Variants in SPTBN1 observed in about 807,000 individuals in gnomAD.
The protein encoded by SPTBN1 is spectrin beta chain, non-erythrocytic 1.
Under a neutral mutation model 266.4 loss-of-function variants are expected in SPTBN1, and 32 were observed. The ratio of observed to expected loss-of-function variants is 0.12; its 90% CI spans 0.09 to 0.16. The LOEUF (loss-of-function observed/expected upper bound fraction) is 0.16. Ranked by LOEUF, SPTBN1 falls within the 10% of genes least tolerant of loss-of-function variation. The pLI, the probability that SPTBN1 is intolerant of heterozygous loss-of-function variation, is 1.00. For synonymous variants in SPTBN1, 1,336 were observed against 1,162.2 expected, an observed-to-expected ratio of 1.15 and a Z score of -3.04; for missense variants, 2,296 against 3,067.1, an observed-to-expected ratio of 0.75 and a Z score of 5.94.
chr2:54,520,410 C>A (rs1412056431), intron 1 of SPTBN1: 1 of 152,192 alleles, frequency 6.6e-6, no homozygotes, highest in Non-Finnish European at 1.5e-5. Context: ...GTAGAAGCCT[C>A]TTTACCTCAA....
chr2:54,621,458 C>T lies in SPTBN1; in HGVS notation c.822C>T (p.Tyr274=). 1.9e-6 allele frequency: 3 copies of T among 1,614,116 alleles called. No individual in the cohort carries two copies. Among genetic ancestry groups the T allele is most frequent in the African/African-American group, 1.3e-5 (1 of 75,032 alleles). The change falls in exon 8 of 36, where the codon TAC becomes TAT. Residue 274 remains tyrosine (Y), a synonymous_variant. Transcript: ENST00000356805. The part of the protein sequence containing the change: ...KSIITYVVTY[Y]HYFSKMKALA... ...TAATCACTTATGTGGTGACTTATTACCACTACTTCTCTAAGATGAAGGCCT... is the reference window on the plus strand; with the variant it reads ...TAATCACTTATGTGGTGACTTATTATCACTACTTCTCTAAGATGAAGGCCT...
At position 54,626,792 on chromosome 2, in the gene SPTBN1, G is replaced by T. The variant is rs374216565; in HGVS notation, c.1644+558G>T. On this transcript the variant is annotated intron_variant, in intron 12 of 35. Coordinates refer to ENST00000356805, the MANE Select transcript of SPTBN1 (RefSeq NM_003128.3). The surrounding 1 kb of genome is among the most constrained non-coding windows in gnomAD (Gnocchi z 4.7). ...ATTATTGCAAGGATGGAATGCGGTA[G>T]TATGTGCACAGATCATGGGATGGGC... 2.6e-5 allele frequency among the ~76,000 whole-genome samples: 4 copies of T among 152,344 alleles called. No individual in the cohort carries two copies. The East Asian group carries it at 7.7e-4, about 29-fold the overall frequency.
intron 2 of SPTBN1, among the ~76,000 whole-genome samples, chr2:54,584,928 G>T (rs1475870510): frequency 2.0e-5 from 3 of 152,202 alleles, no homozygotes; most frequent in African/African-American, 7.2e-5. Flanking sequence ...CTTGCGTGTA[G>T]GGACAAGGGA....
chr2:54,503,418 G>C (rs1289971331), intron 1 of SPTBN1, among the ~76,000 whole-genome samples: 1 of 152,292 alleles, frequency 6.6e-6, no homozygotes. Flanking sequence ...CTGTTCTCCT[G>C]CAGGCCCAGT....
At chr2:54,620,540 T>G (rs1677926243) in intron 7 of SPTBN1, among the ~76,000 whole-genome samples, 1 of 152,150 alleles carries the variant, frequency 6.6e-6, no homozygotes, top group Non-Finnish European at 1.5e-5. Flanking sequence ...TTTCACCTCC[T>G]TAGGAGGCTG....
intron 1 of SPTBN1, among the ~76,000 whole-genome samples, chr2:54,469,923 C>G (rs1693831059): frequency 6.6e-6 from 1 of 152,200 alleles, no homozygotes; most frequent in African/African-American, 2.4e-5. Context: ...GCAAAGAGAT[C>G]TGCCTGCCAT....
chr2:54,653,614 G>A lies in SPTBN1; in HGVS notation c.5583G>A (p.Arg1861=). The change falls in exon 27 of 36, where the codon AGG becomes AGA. Residue 1861 remains arginine, a synonymous_variant. Transcript: ENST00000356805. This position sits in a 1 kb window ranked among gnomAD's most constrained non-coding sequence, Gnocchi z 5.1. ...TCCCCTACATGGCTTCACAGGTGAG[G>A]CAGCTGCAGGAGGATGCAGCCCGCC... ...HDIQALGTQV[R]QLQEDAARLQ... 3 of 1,613,364 alleles carry A rather than the reference G, an allele frequency of 1.9e-6. No individual in the cohort carries two copies. The highest frequency in any genetic ancestry group is 2.5e-6 in the Non-Finnish European group (3 of 1,179,838).
chr2:54,599,375 T>C, intron 3 of SPTBN1, 132 bp downstream of exon 3: 1 of 1,101,480 alleles, frequency 9.1e-7, no homozygotes, highest in Non-Finnish European at 1.3e-6. Context: ...GAGAAGTGAG[T>C]TGAGCGCTTC....
At chr2:54,510,012 G>A (rs1017089374) in intron 1 of SPTBN1, among the ~76,000 whole-genome samples, 1 of 149,246 alleles carries the variant, frequency 6.7e-6, no homozygotes, top group Non-Finnish European at 1.5e-5. Flanking sequence ...AGGGTAGAGC[G>A]CAGTGGCATG....
chr2:54,622,399 A>G lies in SPTBN1; in HGVS notation c.976A>G (p.Asn326Asp), dbSNP rs914153728. The stretch of plus-strand genomic sequence containing the variant: ...GATTGAACAAACCATCATCATTCTG[A>G]ACAATCGCAAATTTGCCAATTCACT... ...EWIEQTIIIL[N>D]NRKFANSLVG... The change falls in exon 9 of 36, where the codon AAC (asparagine) becomes GAC (aspartate). Residue 326 changes from asparagine to aspartate, a missense_variant. By Grantham distance (23) the Asn-to-Asp change is conservative (BLOSUM62 1). Around this residue, in one of 12 missense-constraint regions of SPTBN1, gnomAD observed 148 missense variants for 203.8 expected, o/e 0.73. Transcript: ENST00000356805. The G allele has an allele frequency of 1.9e-6, 3 of 1,614,216 alleles. No individual in the cohort carries two copies. The highest frequency in any genetic ancestry group is 2.5e-6 in the Non-Finnish European group (3 of 1,180,026).
chr2:54,486,127 C>G (rs1668367914), intron 1 of SPTBN1, among the ~76,000 whole-genome samples: 4 of 149,158 alleles, frequency 2.7e-5, no homozygotes, highest in Admixed American at 2.0e-4. Context: ...CGGCCAGCCG[C>G]CCCGTCTGGG....
intron 2 of SPTBN1, among the ~76,000 whole-genome samples, chr2:54,584,291 GTT>G (rs1338787716): frequency 6.6e-6 from 1 of 152,072 alleles, no homozygotes; most frequent in Non-Finnish European, 1.5e-5. Context: ...TGTATATTTA[GTT>G]TCTAGTCTTT....
At chr2:54,602,819 T>C (rs1239869785) in intron 3 of SPTBN1, among the ~76,000 whole-genome samples, 1 of 152,210 alleles carries the variant, frequency 6.6e-6, no homozygotes, top group Non-Finnish European at 1.5e-5. Context: ...TGAGATTTGT[T>C]AAGCCTCAAA....
At chr2:54,641,585 A>G (rs574564853) in intron 18 of SPTBN1, among the ~76,000 whole-genome samples, 2 of 152,306 alleles carry the variant, frequency 1.3e-5, no homozygotes, top group Non-Finnish European at 2.9e-5. Flanking sequence ...TTTGATGACA[A>G]AGGACTTTAT....
intron 18 of SPTBN1, among the ~76,000 whole-genome samples, chr2:54,642,529 GTTTTT>G (rs531997353): frequency 2.2e-5 from 2 of 92,296 alleles, no homozygotes; most frequent in African/African-American, 6.9e-5. Context: ...TAAATAAGTA[GTTTTT>G]TTTTTTTTTT....
intron 32 of SPTBN1, chr2:54,662,264 C>T (rs1681099329): frequency 7.1e-6 from 7 of 985,306 alleles, no homozygotes; most frequent in African/African-American, 1.7e-5. Context: ...TGTCTGTTGG[C>T]ATGCTTAAAG....
intron 2 of SPTBN1, among the ~76,000 whole-genome samples, chr2:54,557,532 T>C (rs968915029): frequency 6.6e-6 from 1 of 151,988 alleles, no homozygotes; most frequent in Non-Finnish European, 1.5e-5. Context: ...GAAGGAGAGA[T>C]TTAAAATTTT....
intron 1 of SPTBN1, among the ~76,000 whole-genome samples, chr2:54,467,480 C>G (rs754438299): frequency 1.3e-5 from 2 of 152,110 alleles, no homozygotes; most frequent in Non-Finnish European, 2.9e-5. Context: ...CTGCAACCTC[C>G]GCCTCCCAGG....
chr2:54,546,987 A>C (rs1672282390), intron 2 of SPTBN1, among the ~76,000 whole-genome samples: 1 of 151,830 alleles, frequency 6.6e-6, no homozygotes, highest in Non-Finnish European at 1.5e-5. Flanking sequence ...ACATAACATA[A>C]GGTTTACCAT....
Sources: gnomAD v4.1 joint callset for allele counts (sites outside exome capture counted in the v4.1 genomes callset) on GRCh38, gnomAD v4.1.1 for gene constraint, gnomAD v4.1.1 regional missense constraint, Gnocchi (gnomAD v3.1) non-coding constraint, MANE v1.5 for transcripts, NCBI Gene and HGNC (gene_info 2026-07-23, HGNC 2026-07-21) for gene names.